The following FYCO1 variants were observed in gnomAD, a reference collection of about 807,000 sequenced individuals.
FYCO1 encodes the protein FYVE and coiled-coil domain autophagy adaptor 1.
Under a neutral mutation model 165.1 loss-of-function variants are expected in FYCO1, and 122 were observed. The observed-to-expected ratio is 0.74, with a 90% CI of 0.64 to 0.86. The LOEUF is 0.86. Among genes scored for constraint, FYCO1 ranks in the 40% least tolerant of loss-of-function variants. FYCO1 has a pLI of 0.00. For synonymous variants in FYCO1, 648 were observed against 742.5 expected, an observed-to-expected ratio of 0.87 and a Z score of 2.07; for missense variants, 1,702 against 1,810.3, an observed-to-expected ratio of 0.94 and a Z score of 1.09.
chr3:45,976,934 A>G lies in FYCO1; in HGVS notation c.289-1589T>C, dbSNP rs1706789123. 2.0e-5 allele frequency among the ~76,000 whole-genome samples: 3 copies of G among 152,216 alleles called. No homozygotes were observed. The South Asian group carries it at 6.2e-4, about 32-fold the overall frequency. Reference sequence around the variant, plus strand: ...GTACAGCCAGGACACCTGGAAGTGAAGGCAGGCAGCAGCCTGGTTTATTGG... The same window carrying G: ...GTACAGCCAGGACACCTGGAAGTGAGGGCAGGCAGCAGCCTGGTTTATTGG... On this transcript the variant is annotated intron_variant, in intron 4 of 17. Coordinates refer to ENST00000296137, the MANE Select transcript of FYCO1 (RefSeq NM_024513.4).
intron 1 of FYCO1, among the ~76,000 whole-genome samples, chr3:45,988,901 GATGCCCTAA>G (rs1575391578): frequency 6.6e-6 from 1 of 152,130 alleles, no homozygotes; most frequent in Non-Finnish European, 1.5e-5. Flanking sequence ...TACCTGCCCA[GATGCCCTAA>G]ATGCCTTAAA....
At chr3:45,944,008 C>T (rs1704416953) in intron 14 of FYCO1, among the ~76,000 whole-genome samples, 2 of 152,056 alleles carry the variant, frequency 1.3e-5, no homozygotes, top group African/African-American at 2.4e-5. Flanking sequence ...CCCATAATTC[C>T]ACCAGCTGGA....
intron 6 of FYCO1, among the ~76,000 whole-genome samples, chr3:45,970,883 C>CTA (rs149942772): frequency 3.7e-4 from 56 of 151,300 alleles, no homozygotes; most frequent in Middle Eastern, 6.8e-3. Flanking sequence ...CAAAATAAAA[C>CTA]TATATATATA....
At position 45,925,175 on chromosome 3, in the gene FYCO1, G is replaced by A. The variant is rs568025640; in HGVS notation, c.4252-1410C>T. On this transcript the variant is annotated intron_variant, in intron 16 of 17. Coordinates refer to ENST00000296137, the MANE Select transcript of FYCO1 (RefSeq NM_024513.4). ...AAACTCCTGACCTAGTGATTCACCC[G>A]CCTCGGCCTCCCAAAGTGCTGGGAT... 4.6e-5 allele frequency among the ~76,000 whole-genome samples: 7 copies of A among 151,606 alleles called. No homozygotes were observed. In the East Asian group the frequency reaches 7.8e-4, roughly 17 times the overall value.
At chr3:45,940,724 C>T (rs1704174894) in intron 14 of FYCO1, among the ~76,000 whole-genome samples, 1 of 152,174 alleles carries the variant, frequency 6.6e-6, no homozygotes, top group Non-Finnish European at 1.5e-5. Context: ...TAAACCTTCA[C>T]TCCTGCTCTA....
intron 14 of FYCO1, among the ~76,000 whole-genome samples, chr3:45,942,996 G>A (rs1390188679): frequency 6.6e-6 from 1 of 152,138 alleles, no homozygotes; most frequent in Non-Finnish European, 1.5e-5. Flanking sequence ...TTTTGGCTAT[G>A]GTCCTCAGTG....
chr3:45,984,829 C>T (rs750364526), intron 2 of FYCO1, 27 bp downstream of exon 2: 1 of 1,614,058 alleles, frequency 6.2e-7, no homozygotes, highest in South Asian at 1.1e-5. Context: ...CAAAACCAAA[C>T]TCAGCCTGCC....
At chr3:45,944,796 G>A (rs79046940) in intron 14 of FYCO1, among the ~76,000 whole-genome samples, 24 of 152,290 alleles carry the variant, frequency 1.6e-4, no homozygotes, top group Non-Finnish European at 2.9e-4. Flanking sequence ...AGGCGAGAGC[G>A]AGTCAAGCAA....
At chr3:45,969,184 A>G (rs1174854988) in intron 7 of FYCO1, among the ~76,000 whole-genome samples, 1 of 152,224 alleles carries the variant, frequency 6.6e-6, no homozygotes, top group Non-Finnish European at 1.5e-5. Context: ...TACAGCTGTG[A>G]TAAATTCACA....
In FYCO1 at chr3:45,967,576, C is replaced by T. The variant is rs1706142151; in HGVS notation, c.1758G>A (p.Gly586=). The stretch of plus-strand genomic sequence containing the variant: ...GGCCCCTCTGCTCCTCCTCTGGCTT[C>T]CCCCAGGCCTCTTGCAGACTGGAGT... The part of the protein sequence containing the change: ...PVNSSLQEAW[G]KPEEEQRGLQ... The change falls in exon 8 of 18, where the codon GGG becomes GGA. Residue 586 remains glycine, a synonymous_variant. Coordinates refer to ENST00000296137, the MANE Select transcript of FYCO1 (RefSeq NM_024513.4). 1.9e-6 allele frequency: 3 copies of T among 1,614,076 alleles called. No homozygotes were observed. The highest frequency in any genetic ancestry group is 4.5e-5 in the East Asian group (2 of 44,882).
intron 4 of FYCO1, 147 bp from the exon 5 acceptor site, chr3:45,975,492 A>G (rs1246478168): frequency 4.3e-6 from 3 of 696,190 alleles, no homozygotes; most frequent in Non-Finnish European, 7.8e-6. Flanking sequence ...AAAGGACACA[A>G]CACATTTGAT....
At chr3:45,924,571 T>C (rs1021828502) in intron 16 of FYCO1, among the ~76,000 whole-genome samples, 53 of 152,268 alleles carry the variant, frequency 3.5e-4, no homozygotes, top group Non-Finnish European at 7.3e-4. Flanking sequence ...ATTTTAAAAC[T>C]GAAAATATTC....
At position 45,967,995 on chromosome 3, in the gene FYCO1, G is replaced by T. The variant is rs33910087; in HGVS notation, c.1339C>A (p.Arg447Ser). 6.2e-6 allele frequency: 10 copies of T among 1,613,960 alleles called. No individual in the cohort carries two copies. Among genetic ancestry groups the T allele is most frequent in the East Asian group, 4.5e-5 (2 of 44,866 alleles). The change falls in exon 8 of 18, where the codon CGC (arginine) becomes AGC (serine). Residue 447 changes from arginine (R) to serine (S), a missense_variant. Coordinates refer to ENST00000296137, the MANE Select transcript of FYCO1 (RefSeq NM_024513.4). ...LKEDARASLE[R>S]LVKEMAPLQE... is the part of the protein sequence containing the mutation. ...AGTGGGGCCATCTCCTTCACCAGGCGCTCCAGGCTGGCCCGGGCATCCTCT... is the reference window on the plus strand; with the variant it reads ...AGTGGGGCCATCTCCTTCACCAGGCTCTCCAGGCTGGCCCGGGCATCCTCT...
chr3:45,950,806 A>T (rs1236794085), intron 14 of FYCO1, among the ~76,000 whole-genome samples: 4 of 152,214 alleles, frequency 2.6e-5, no homozygotes, highest in African/African-American at 9.7e-5. Flanking sequence ...TGCCACTGAC[A>T]AGCCACAGGG....
At chr3:45,980,075 T>A (rs1706970878) in intron 3 of FYCO1, among the ~76,000 whole-genome samples, 1 of 152,188 alleles carries the variant, frequency 6.6e-6, no homozygotes, top group Non-Finnish European at 1.5e-5. Flanking sequence ...CTTGGCCATG[T>A]GCGGTGGCTC....
chr3:45,963,025 A>C (rs764628170), intron 10 of FYCO1, among the ~76,000 whole-genome samples: 4 of 152,034 alleles, frequency 2.6e-5, no homozygotes, highest in Non-Finnish European at 5.9e-5. Context: ...TAATGCAGCT[A>C]TTTCCTAAGG....
rs1226295237 is a variant in FYCO1, at chr3:45,938,375, C to T, written c.3945-1832G>A. On this transcript the variant is annotated intron_variant, in intron 14 of 17. Coordinates refer to ENST00000296137, the MANE Select transcript of FYCO1 (RefSeq NM_024513.4). ...TGTAGGTCATGACCCATTTAGTGGGCTGTGAATCAGTTTAGGAGGTTATGA... is the reference window on the plus strand; with the variant it reads ...TGTAGGTCATGACCCATTTAGTGGGTTGTGAATCAGTTTAGGAGGTTATGA... 6.8e-6 allele frequency: 3 copies of T among 441,684 alleles called. No individual in the cohort carries two copies. In the Admixed American group the frequency reaches 8.7e-5, roughly 13 times the overall value. The allele number at this position is 441,684 out of a possible 1,614,324, so 27.4% of individuals were successfully genotyped here.
chr3:45,921,676 C>A lies in FYCO1; in HGVS notation c.*89G>T. The A allele has an allele frequency of 2.2e-6, 2 of 910,278 alleles. No homozygotes were observed. Among genetic ancestry groups the A allele is most frequent in the East Asian group, 2.5e-5 (1 of 39,568 alleles). 56.4% of individuals were successfully genotyped at this position (910,278 alleles called of 1,614,324 possible). ...AGGGGCTGAGTTGATGATTTTGGAG[C>A]AGCTGACTTTTTAAAAAAATGCTTT... On this transcript the variant is annotated 3_prime_UTR_variant, in exon 18 of 18. Transcript: ENST00000296137.
chr3:45,967,239 C>T lies in FYCO1; in HGVS notation c.2095G>A (p.Glu699Lys), dbSNP rs1282169668. The part of the protein sequence containing the change: ...EAMKAQMAEK[E>K]AILQSKEGEC... ...CCCTCCTTGCTCTGTAGAATGGCCT[C>T]CTTCTCTGCCATCTGGGCTTTCATG... The change falls in exon 8 of 18, where the codon GAG (glutamate) becomes AAG (lysine). Residue 699 changes from glutamate (E) to lysine (K), a missense_variant. Transcript: ENST00000296137. 3 of 1,614,132 alleles carry T rather than the reference C, an allele frequency of 1.9e-6. No individual in the cohort carries two copies. Among genetic ancestry groups the T allele is most frequent in the Non-Finnish European group, 2.5e-6 (3 of 1,180,012 alleles).
Sources: allele counts gnomAD v4.1 joint callset (sites outside exome capture counted in the v4.1 genomes callset), GRCh38; gene constraint gnomAD v4.1.1; transcripts MANE v1.5; gene names NCBI Gene and HGNC (gene_info 2026-07-23, HGNC 2026-07-21).